The following GRM8 variants were observed in gnomAD, a reference collection of about 807,000 sequenced individuals.
GRM8 encodes glutamate metabotropic receptor 8, also known as metabotropic glutamate receptor 8.
A neutral mutation model predicts 87.2 loss-of-function variants in GRM8; 47 were observed. That is an observed-to-expected ratio of 0.54 (90% CI 0.43 to 0.69). The LOEUF is 0.69. Among genes scored for constraint, GRM8 ranks in the 30% least tolerant of loss-of-function variants. GRM8 has a pLI of 0.00. For missense variants in GRM8, 1,019 were observed against 1,139.2 expected, an observed-to-expected ratio of 0.89 and a Z score of 1.52; for synonymous variants, 396 against 404.5, an observed-to-expected ratio of 0.98 and a Z score of 0.25.
At chr7:126,658,099 G>C (rs1454841615) in intron 7 of GRM8, among the ~76,000 whole-genome samples, 1 of 152,200 alleles carries the variant, frequency 6.6e-6, no homozygotes, top group Non-Finnish European at 1.5e-5. Flanking sequence ...GAGTTCAAAA[G>C]GGGAAACAGG....
chr7:126,895,614 G>A (rs1407415342), intron 6 of GRM8, among the ~76,000 whole-genome samples: 1 of 151,880 alleles, frequency 6.6e-6, no homozygotes, highest in Non-Finnish European at 1.5e-5. Context: ...CTCTAATTTA[G>A]CAATGTGAAC....
At chr7:127,060,398 T>A (rs1416858160) in intron 3 of GRM8, among the ~76,000 whole-genome samples, 1 of 152,064 alleles carries the variant, frequency 6.6e-6, no homozygotes, top group Non-Finnish European at 1.5e-5. Context: ...CCAAAAGACA[T>A]GCAATAAGTA....
chr7:126,483,203 T>C (rs1806920706), intron 9 of GRM8, among the ~76,000 whole-genome samples: 1 of 150,392 alleles, frequency 6.6e-6, no homozygotes, highest in Non-Finnish European at 1.5e-5. Context: ...TCATGATGCA[T>C]TAAAGAGATT....
At chr7:126,764,161 C>G (rs1399807552) in intron 7 of GRM8, among the ~76,000 whole-genome samples, 1 of 151,716 alleles carries the variant, frequency 6.6e-6, no homozygotes, top group Non-Finnish European at 1.5e-5. Context: ...TAGTAATAAT[C>G]TTTGTCATTT....
At chr7:126,442,890 C>A (rs924600618) in intron 10 of GRM8, among the ~76,000 whole-genome samples, 2 of 152,024 alleles carry the variant, frequency 1.3e-5, no homozygotes, top group African/African-American at 2.4e-5. Flanking sequence ...ATGATTTAGT[C>A]AACATGAAAG....
At chr7:126,500,912 C>T (rs1175504853) in intron 9 of GRM8, among the ~76,000 whole-genome samples, 2 of 151,912 alleles carry the variant, frequency 1.3e-5, no homozygotes, top group African/African-American at 2.4e-5. Context: ...AAGCTATTTG[C>T]TATTTGTTAT....
intron 2 of GRM8, among the ~76,000 whole-genome samples, chr7:127,157,257 G>A (rs1792790621): frequency 6.6e-6 from 1 of 151,644 alleles, no homozygotes; most frequent in Non-Finnish European, 1.5e-5. Flanking sequence ...GAAGAAAGGA[G>A]GAGAGAAGAG....
Position 126,465,877 on chromosome 7 carries a change from C to T in GRM8, c.2431-19505G>A, listed in dbSNP as rs565148869. Among the ~76,000 whole-genome samples the T allele has an allele frequency of 5.3e-5, 8 of 151,912 alleles. No homozygotes were observed. In the East Asian group the frequency reaches 5.8e-4, roughly 11 times the overall value. ...ATTTTCAGTATGAAAAACAACTAGG[C>T]ATCTTTGCTTTTTTCCCAAATCCAG... On this transcript the variant is annotated intron_variant, in intron 9 of 10. Transcript: ENST00000339582.
At chr7:126,911,578 A>G (rs1410273394) in intron 3 of GRM8, among the ~76,000 whole-genome samples, 2 of 152,228 alleles carry the variant, frequency 1.3e-5, no homozygotes, top group Non-Finnish European at 2.9e-5. Flanking sequence ...GTGTTGAGAT[A>G]ATAATGTTGG....
chr7:127,058,123 C>T (rs1298153065), intron 3 of GRM8: 7 of 518,982 alleles, frequency 1.3e-5, no homozygotes, highest in South Asian at 1.0e-4. Context: ...TGCGTCACCA[C>T]GTGATGACGC....
At chr7:126,681,418 C>T (rs1807567253) in intron 7 of GRM8, among the ~76,000 whole-genome samples, 2 of 152,206 alleles carry the variant, frequency 1.3e-5, no homozygotes, top group South Asian at 2.1e-4. Flanking sequence ...GCTAAATCTA[C>T]CTAAGGTACT....
chr7:126,514,639 G>C (rs1811914113), intron 9 of GRM8, among the ~76,000 whole-genome samples: 1 of 151,740 alleles, frequency 6.6e-6, no homozygotes, highest in South Asian at 2.1e-4. Context: ...CTTTGAATAT[G>C]ACTTTAAAAC....
intron 7 of GRM8, among the ~76,000 whole-genome samples, chr7:126,753,941 T>A (rs1052218017): frequency 1.3e-5 from 2 of 151,992 alleles, no homozygotes; most frequent in African/African-American, 2.4e-5. Flanking sequence ...CAGGAAACTA[T>A]GCAAAGACTT....
intron 2 of GRM8, among the ~76,000 whole-genome samples, chr7:127,220,654 T>TA (rs1338604325): frequency 2.0e-4 from 31 of 151,270 alleles, no homozygotes; most frequent in South Asian, 4.2e-4. Context: ...CCAGCTAATT[T>TA]TAAAAAAAAA....
intron 7 of GRM8, among the ~76,000 whole-genome samples, chr7:126,628,364 G>T (rs1471479713): frequency 6.6e-6 from 1 of 152,034 alleles, no homozygotes; most frequent in African/African-American, 2.4e-5. Context: ...TTTTCCTATT[G>T]CCTGCAAATG....
intron 8 of GRM8, among the ~76,000 whole-genome samples, chr7:126,591,837 A>G (rs185108493): frequency 6.6e-6 from 1 of 151,944 alleles, no homozygotes; most frequent in East Asian, 1.9e-4. Context: ...CAACAAAACT[A>G]AGAGTTGGTT....
At chr7:126,721,166 C>A (rs1462501100) in intron 7 of GRM8, among the ~76,000 whole-genome samples, 1 of 152,162 alleles carries the variant, frequency 6.6e-6, no homozygotes, top group Non-Finnish European at 1.5e-5. Context: ...GTCACTATTT[C>A]TTCACAATGT....
chr7:126,823,018 C>T (rs1253632468), intron 6 of GRM8, among the ~76,000 whole-genome samples: 1 of 152,138 alleles, frequency 6.6e-6, no homozygotes, highest in South Asian at 2.1e-4. Context: ...AAAGTTGAGC[C>T]TTCTAAAATA....
At chr7:126,605,675 T>C (rs1163653588) in intron 8 of GRM8, among the ~76,000 whole-genome samples, 1 of 152,204 alleles carries the variant, frequency 6.6e-6, no homozygotes, top group African/African-American at 2.4e-5. Flanking sequence ...AATAACTGAC[T>C]GATAAATGCT....
Sources: gnomAD v4.1 joint callset for allele counts (sites outside exome capture counted in the v4.1 genomes callset) on GRCh38, gnomAD v4.1.1 for gene constraint, MANE v1.5 for transcripts, NCBI Gene and HGNC (gene_info 2026-07-23, HGNC 2026-07-21) for gene names.